ANXA2: variants seen among roughly 807,000 people sequenced by gnomAD.
The protein encoded by ANXA2 is annexin A2, also known as annexin II.
ANXA2 carries 28 observed loss-of-function variants against 47.3 expected under a neutral mutation model. The ratio of observed to expected loss-of-function variants is 0.59; its 90% CI spans 0.44 to 0.81. The LOEUF (loss-of-function observed/expected upper bound fraction) is 0.81. Ranked by LOEUF, ANXA2 falls within the 40% of genes least tolerant of loss-of-function variation. The pLI is 0.00. For synonymous variants in ANXA2, 172 were observed against 155.5 expected (o/e 1.11, Z -0.79); for missense variants, 384 against 414.3 (o/e 0.93, Z 0.64).
chr15:60,397,234 C>G (rs2063092450), intron 1 of ANXA2: 2 of 977,324 alleles, frequency 2.0e-6, no homozygotes, highest in South Asian at 9.5e-5. Flanking sequence ...ACAACCCTCC[C>G]CACAGAATCA....
intron 1 of ANXA2, 198 bp downstream of exon 1, chr15:60,397,745 C>T: frequency 1.2e-6 from 1 of 811,692 alleles, no homozygotes; most frequent in Non-Finnish European, 1.7e-6. Context: ...GGCCCCTCAC[C>T]CCTGCCCCAA....
chr15:60,357,758 C>T (rs182679521), intron 5 of ANXA2, among the ~76,000 whole-genome samples: 11 of 151,120 alleles, frequency 7.3e-5, no homozygotes, highest in African/African-American at 2.4e-4. Context: ...CGCGCCACTG[C>T]ACTCCAGCCT....
At chr15:60,355,614 G>T in intron 7 of ANXA2, 1 of 454,758 alleles carries the variant, frequency 2.2e-6, no homozygotes, top group South Asian at 2.1e-5. Flanking sequence ...ACAGATAGAG[G>T]CAAAGTGACC....
chr15:60,361,719 A>G (rs1034550338), intron 4 of ANXA2, among the ~76,000 whole-genome samples: 2 of 151,950 alleles, frequency 1.3e-5, no homozygotes, highest in African/African-American at 4.8e-5. Context: ...GCTGCATGTA[A>G]TTTCTTAAGG....
intron 3 of ANXA2, among the ~76,000 whole-genome samples, chr15:60,364,819 T>C (rs1023835559): frequency 6.6e-6 from 1 of 151,810 alleles, no homozygotes; most frequent in African/African-American, 2.4e-5. Context: ...CAGTAGGAGG[T>C]GCATATGTGG....
intron 1 of ANXA2, chr15:60,390,397 G>C: frequency 1.6e-6 from 1 of 621,480 alleles, no homozygotes; most frequent in East Asian, 6.0e-5. Context: ...AAACCCACTG[G>C]GCTTTCTGTA....
chr15:60,380,060 C>T (rs1417696238), intron 3 of ANXA2, among the ~76,000 whole-genome samples: 1 of 152,092 alleles, frequency 6.6e-6, no homozygotes, highest in African/African-American at 2.4e-5. Context: ...GCTGGGAAAC[C>T]ACATGAATCT....
chr15:60,360,479 C>G (rs1022981364), intron 5 of ANXA2, among the ~76,000 whole-genome samples: 2 of 152,148 alleles, frequency 1.3e-5, no homozygotes, highest in African/African-American at 4.8e-5. Flanking sequence ...CCCTTATATG[C>G]ACTATGATGT....
At chr15:60,357,038 T>C in intron 6 of ANXA2, 108 bp downstream of exon 6, 3 of 972,174 alleles carry the variant, frequency 3.1e-6, no homozygotes, top group South Asian at 1.4e-5. Context: ...CAGGCACTTC[T>C]GCACATCACT....
At chr15:60,387,355 C>T (rs78560764) in intron 1 of ANXA2, among the ~76,000 whole-genome samples, 1 of 152,296 alleles carries the variant, frequency 6.6e-6, no homozygotes, top group African/African-American at 2.4e-5. Context: ...CTCAGACAGC[C>T]TCCCCACCCC....
At chr15:60,384,251 G>A (rs1469471073) in intron 2 of ANXA2, 2 of 152,200 alleles carry the variant, frequency 1.3e-5, no homozygotes, top group Admixed American at 6.5e-5. Context: ...TACAAGGCAG[G>A]CAGTCCAGGC....
Position 60,351,934 on chromosome 15 carries a change from A to G in ANXA2, c.683-115T>C, listed in dbSNP as rs150507000. On this transcript the variant is annotated intron_variant, in intron 9 of 12. Coordinates refer to ENST00000451270, the MANE Select transcript of ANXA2 (RefSeq NM_004039.3). ...TTTAAAAATTGAGGATGATCACAGCATCCTAGGAGCTTAGAGGTTACCACG... is the reference window on the plus strand; with the variant it reads ...TTTAAAAATTGAGGATGATCACAGCGTCCTAGGAGCTTAGAGGTTACCACG... 6.3e-4 allele frequency: 472 copies of G among 744,748 alleles called. 3 individuals carry two copies. In the East Asian group the frequency reaches 0.01, roughly 16 times the overall value. 46.1% of individuals were successfully genotyped at this position (744,748 alleles called of 1,614,324 possible).
chr15:60,383,358 G>A (rs2062889384), intron 2 of ANXA2: 1 of 152,228 alleles, frequency 6.6e-6, no homozygotes, highest in East Asian at 1.9e-4. Flanking sequence ...TGAACTCCTG[G>A]GCTCTAGTGA....
chr15:60,396,617 C>G (rs1055335123), intron 1 of ANXA2, among the ~76,000 whole-genome samples: 4 of 152,208 alleles, frequency 2.6e-5, no homozygotes, highest in African/African-American at 7.2e-5. Flanking sequence ...ATCCCATAAT[C>G]AGGCAGTGCA....
At position 60,352,242 on chromosome 15, in the gene ANXA2, T is replaced by G; in HGVS notation, c.682+141A>C. The G allele has an allele frequency of 1.7e-6, 1 of 578,280 alleles. No homozygotes were observed. Among genetic ancestry groups the G allele is most frequent in the South Asian group, 2.5e-5 (1 of 40,004 alleles). The allele number at this position is 578,280 out of a possible 1,614,324, so 35.8% of individuals were successfully genotyped here. A position where few individuals can be genotyped will look rare whatever the true frequency, so the allele number is the denominator to read the frequency against. On this transcript the variant is annotated intron_variant, in intron 9 of 12. Coordinates refer to ENST00000451270, the MANE Select transcript of ANXA2 (RefSeq NM_004039.3). The surrounding 1 kb of genome is among the most constrained non-coding windows in gnomAD (Gnocchi z 4.2). ...AAGAATCCAGAATGGGAGAGAAAGG[T>G]GAGGGAAAATGGGTGAGCCTATGAG...
At chr15:60,367,164 G>A (rs1426899348) in intron 3 of ANXA2, among the ~76,000 whole-genome samples, 2 of 75,678 alleles carry the variant, frequency 2.6e-5, no homozygotes, top group African/African-American at 5.6e-5. Flanking sequence ...TCCGGGAGGG[G>A]GGAGGGGGGG....
chr15:60,366,659 C>T (rs1180491817), intron 3 of ANXA2, among the ~76,000 whole-genome samples: 9 of 146,336 alleles, frequency 6.2e-5, no homozygotes, highest in East Asian at 2.2e-4. Flanking sequence ...GCAGCCACCC[C>T]GTCCGGGAGG....
rs1002578218 is a variant in ANXA2 at position 60,371,874 on chromosome 15, G to A, written c.149-7351C>T. Among the ~76,000 whole-genome samples the A allele has an allele frequency of 1.1e-4, 17 of 152,266 alleles. No individual in the cohort carries two copies. In the East Asian group the frequency reaches 1.4e-3, roughly 12 times the overall value. On this transcript the variant is annotated intron_variant, in intron 3 of 12. Transcript: ENST00000451270. ...ATTATAATAATAGTAACCTTTTGCC[G>A]GGCGCGGTGGCTCACGCCTATAATC... is the stretch of plus-strand genomic sequence containing the variant.
At chr15:60,348,614 G>T (rs1173116474) in intron 12 of ANXA2, among the ~76,000 whole-genome samples, 1 of 151,892 alleles carries the variant, frequency 6.6e-6, no homozygotes, top group Non-Finnish European at 1.5e-5. Flanking sequence ...GTGTGGTGGC[G>T]GGCGCCTGTA....
Sources: gnomAD v4.1 joint callset for allele counts (sites outside exome capture counted in the v4.1 genomes callset) on GRCh38, gnomAD v4.1.1 for gene constraint, Gnocchi (gnomAD v3.1) non-coding constraint, MANE v1.5 for transcripts, NCBI Gene and HGNC (gene_info 2026-07-23, HGNC 2026-07-21) for gene names.